GALNT10: variants seen among roughly 807,000 people sequenced by gnomAD.
GALNT10 encodes the protein polypeptide N-acetylgalactosaminyltransferase 10.
GALNT10 carries 41 observed loss-of-function variants against 75.0 expected under a neutral mutation model. The observed-to-expected ratio is 0.55, with a 90% CI of 0.43 to 0.71. The LOEUF (loss-of-function observed/expected upper bound fraction) is 0.71. GALNT10 is among the 30% of genes least tolerant of loss of function. The pLI is 0.00. For missense variants in GALNT10, 727 were observed against 818.5 expected (o/e 0.89, Z 1.36); for synonymous variants, 302 against 313.0 (o/e 0.96, Z 0.37).
At position 154,308,180 on chromosome 5, in the gene GALNT10, G is replaced by A. The variant is rs146120875; in HGVS notation, c.401+10101G>A. 2.0e-5 allele frequency among the ~76,000 whole-genome samples: 3 copies of A among 151,804 alleles called. No homozygotes were observed. In the East Asian group the frequency reaches 5.8e-4, roughly 30 times the overall value. ...TCTTTTAAAAGATAATTGTGGGGTA[G>A]AATGTAGTTGGAAAGGGATTTGTTA... is the stretch of plus-strand genomic sequence containing the variant. On this transcript the variant is annotated intron_variant, in intron 3 of 11. Coordinates refer to ENST00000297107, the MANE Select transcript of GALNT10 (RefSeq NM_198321.4).
chr5:154,197,285 A>G (rs1774960607), intron 1 of GALNT10, among the ~76,000 whole-genome samples: 1 of 151,810 alleles, frequency 6.6e-6, no homozygotes, highest in African/African-American at 2.4e-5. Context: ...CCCCATACAC[A>G]CTAAAAGTCA....
intron 8 of GALNT10, among the ~76,000 whole-genome samples, chr5:154,407,220 G>A (rs916192726): frequency 6.6e-6 from 1 of 152,142 alleles, no homozygotes; most frequent in Non-Finnish European, 1.5e-5. Flanking sequence ...GGCCTCAGAC[G>A]GGACTGGGAC....
chr5:154,365,370 G>T (rs953328815), intron 4 of GALNT10, among the ~76,000 whole-genome samples: 64 of 152,266 alleles, frequency 4.2e-4, no homozygotes, highest in African/African-American at 1.4e-3. Context: ...TCTTTAGGTT[G>T]CAAGTCATTC....
chr5:154,323,620 C>T (rs773380623), intron 3 of GALNT10, among the ~76,000 whole-genome samples: 1 of 152,196 alleles, frequency 6.6e-6, no homozygotes, highest in Non-Finnish European at 1.5e-5. Flanking sequence ...CAGGTATGGA[C>T]AGGGAGGTCA....
intron 4 of GALNT10, among the ~76,000 whole-genome samples, chr5:154,359,787 A>G (rs2113153856): frequency 6.6e-6 from 1 of 150,944 alleles, no homozygotes; most frequent in East Asian, 1.9e-4. Flanking sequence ...GTATTTTATT[A>G]TATCAAGTAT....
At chr5:154,221,053 G>T (rs1156807899) in intron 1 of GALNT10, among the ~76,000 whole-genome samples, 1 of 152,106 alleles carries the variant, frequency 6.6e-6, no homozygotes, top group Non-Finnish European at 1.5e-5. Context: ...GGATTCTCAG[G>T]GTTATGTGCA....
chr5:154,410,230 G>A (rs1253910369), intron 9 of GALNT10, among the ~76,000 whole-genome samples: 1 of 152,102 alleles, frequency 6.6e-6, no homozygotes, highest in African/African-American at 2.4e-5. Context: ...AGTAAGAAAG[G>A]GCTGGAAGGC....
chr5:154,360,346 G>A (rs1755364313), intron 4 of GALNT10, among the ~76,000 whole-genome samples: 1 of 151,992 alleles, frequency 6.6e-6, no homozygotes, highest in Admixed American at 6.6e-5. Flanking sequence ...AACTACTTGG[G>A]AGGCTGAGGC....
At chr5:154,347,215 CAG>C (rs1561667793) in intron 4 of GALNT10, 1 of 476,860 alleles carries the variant, frequency 2.1e-6, no homozygotes, top group Non-Finnish European at 4.1e-6. Context: ...TCACAGGACT[CAG>C]TGAGGTGAAA....
In GALNT10 at chr5:154,386,330, G is replaced by A. The variant is rs1485251045; in HGVS notation, c.956G>A (p.Gly319Asp). 6.2e-7 allele frequency: 1 copy of A among 1,613,918 alleles called. No individual in the cohort carries two copies. The highest frequency in any genetic ancestry group is 2.2e-5 in the East Asian group (1 of 44,872). Residue 319 changes from glycine (G) to aspartate (D), a missense_variant, in exon 7 of 12, where the codon GGT becomes GAT. Gly to Asp is a moderately conservative substitution (Grantham distance 94). Transcript: ENST00000297107. The stretch of plus-strand genomic sequence containing the variant: ...TCTGACAGGTCTCCCGTGATGGCCG[G>A]TGGACTGTTCGCCGTGGATCGGAAG... ...SDPFESPVMAGGLFAVDRKWF... is the reference protein window; with the variant it reads ...SDPFESPVMADGLFAVDRKWF...
intron 1 of GALNT10, among the ~76,000 whole-genome samples, chr5:154,272,302 G>A (rs1369293782): frequency 3.9e-5 from 6 of 152,194 alleles, no homozygotes; most frequent in Non-Finnish European, 7.3e-5. Flanking sequence ...GATCGGTAGT[G>A]GCTTAAACTC....
In GALNT10 at chr5:154,418,883, G is replaced by A. The variant is rs1038690841; in HGVS notation, c.*1911G>A. ...CTATAGAAAGAAGTCAAAAGATGAG[G>A]CCCCTTCTAGAATCTAGGATAACAA... On this transcript the variant is annotated 3_prime_UTR_variant, in exon 12 of 12. Coordinates refer to ENST00000297107, the MANE Select transcript of GALNT10 (RefSeq NM_198321.4). 2.6e-5 allele frequency: 4 copies of A among 152,482 alleles called. No individual in the cohort carries two copies. Among genetic ancestry groups the A allele is most frequent in the African/African-American group, 9.7e-5 (4 of 41,420 alleles). 9.4% of individuals were successfully genotyped at this position (152,482 alleles called of 1,614,324 possible). A position where few individuals can be genotyped will look rare whatever the true frequency, so the allele number is the denominator to read the frequency against.
chr5:154,195,794 A>G (rs1774928860), intron 1 of GALNT10, among the ~76,000 whole-genome samples: 1 of 152,234 alleles, frequency 6.6e-6, no homozygotes, highest in African/African-American at 2.4e-5. Context: ...TCAGGAGCCA[A>G]GATTATCACC....
intron 3 of GALNT10, among the ~76,000 whole-genome samples, chr5:154,309,462 G>C (rs1041079825): frequency 6.6e-6 from 1 of 152,228 alleles, no homozygotes; most frequent in African/African-American, 2.4e-5. Flanking sequence ...AGAATAGACT[G>C]TAGGCAGCCA....
At chr5:154,229,402 G>T (rs1051118383) in intron 1 of GALNT10, among the ~76,000 whole-genome samples, 1 of 152,154 alleles carries the variant, frequency 6.6e-6, no homozygotes, top group Non-Finnish European at 1.5e-5. Flanking sequence ...ATGATTATTT[G>T]TATGACTATT....
At chr5:154,318,641 A>G (rs1329361197) in intron 3 of GALNT10, among the ~76,000 whole-genome samples, 1 of 152,254 alleles carries the variant, frequency 6.6e-6, no homozygotes, top group Non-Finnish European at 1.5e-5. Context: ...ACTGTCTGGC[A>G]TATTGGAAAT....
chr5:154,319,029 CA>C (rs1754637928), intron 3 of GALNT10, among the ~76,000 whole-genome samples: 1 of 152,204 alleles, frequency 6.6e-6, no homozygotes, highest in Non-Finnish European at 1.5e-5. Context: ...AGTATTGATT[CA>C]AGAGGGCCTC....
intron 1 of GALNT10, among the ~76,000 whole-genome samples, chr5:154,195,491 A>G (rs1175803553): frequency 6.6e-6 from 1 of 152,186 alleles, no homozygotes; most frequent in Non-Finnish European, 1.5e-5. Flanking sequence ...TAAGGTAGGA[A>G]CACATCCTCC....
At chr5:154,301,562 G>GTTTTTTTTTT (rs371007487) in intron 3 of GALNT10, among the ~76,000 whole-genome samples, 1 of 129,678 alleles carries the variant, frequency 7.7e-6, no homozygotes, top group Admixed American at 7.7e-5. Flanking sequence ...TTGTTTTTTT[G>GTTTTTTTTTT]TTTTTTTTTT....
Sources: allele counts gnomAD v4.1 joint callset (sites outside exome capture counted in the v4.1 genomes callset), GRCh38; gene constraint gnomAD v4.1.1; transcripts MANE v1.5; gene names NCBI Gene and HGNC (gene_info 2026-07-23, HGNC 2026-07-21).